The following ZNF462 variants were observed in gnomAD, a reference collection of about 807,000 sequenced individuals.
The protein encoded by ZNF462 is zinc finger PBX1-interacting protein.
In ZNF462, 10 loss-of-function variants were observed where a neutral mutation model predicts 201.9. That is an observed-to-expected ratio of 0.05 (90% CI 0.03 to 0.08). The LOEUF (loss-of-function observed/expected upper bound fraction) is 0.08, where lower values mean the gene tolerates loss of function less well. Ranked by LOEUF, ZNF462 falls within the 10% of genes least tolerant of loss-of-function variation. ZNF462 has a pLI of 1.00. For synonymous variants in ZNF462, 1,227 were observed against 1,193.3 expected, an observed-to-expected ratio of 1.03 and a Z score of -0.58; for missense variants, 2,523 against 3,168.3, an observed-to-expected ratio of 0.80 and a Z score of 4.89.
chr9:106,945,751 T>C (rs1439991793), intron 7 of ZNF462, among the ~76,000 whole-genome samples: 5 of 152,230 alleles, frequency 3.3e-5, no homozygotes, highest in African/African-American at 1.2e-4. Context: ...ACTATGTTTC[T>C]ATATTTCTAC....
At position 106,932,383 on chromosome 9, in the gene ZNF462, G is replaced by A; in HGVS notation, c.6013-63G>A. 1 of 1,610,350 alleles carries A rather than the reference G, an allele frequency of 6.2e-7. No homozygotes were observed. The highest frequency in any genetic ancestry group is 2.2e-5 in the East Asian group (1 of 44,694). ...CTGCTTGCTTGATGGAATGTTGGAG[G>A]ATGAAACCCGGCCGGGGGGATACCA... On this transcript the variant is annotated intron_variant, in intron 4 of 12. Transcript: ENST00000277225. The surrounding 1 kb of genome is among the most constrained non-coding windows in gnomAD (Gnocchi z 6.8).
chr9:106,998,069 A>G (rs1319743215), intron 10 of ZNF462, among the ~76,000 whole-genome samples: 1 of 152,182 alleles, frequency 6.6e-6, no homozygotes, highest in East Asian at 1.9e-4. Flanking sequence ...CCTTTACACA[A>G]AAAGTTTACC....
intron 7 of ZNF462, among the ~76,000 whole-genome samples, chr9:106,964,359 A>G (rs773168685): frequency 3.3e-5 from 5 of 152,010 alleles, no homozygotes; most frequent in Non-Finnish European, 7.4e-5. Context: ...TCACCATCCT[A>G]ACTAGGGAAT....
At chr9:106,939,692 G>T (rs1265828495) in intron 7 of ZNF462, among the ~76,000 whole-genome samples, 1 of 152,172 alleles carries the variant, frequency 6.6e-6, no homozygotes, top group Non-Finnish European at 1.5e-5. Flanking sequence ...AAGAAATACA[G>T]GAAGCCAGGG....
At position 107,009,434 on chromosome 9, in the gene ZNF462, C is replaced by T; in HGVS notation, c.7190-111C>T. 7.0e-7 allele frequency: 1 copy of T among 1,435,278 alleles called. No homozygotes were observed. Among genetic ancestry groups the T allele is most frequent in the South Asian group, 1.4e-5 (1 of 73,442 alleles). The allele number at this position is 1,435,278 out of a possible 1,614,324, so 88.9% of individuals were successfully genotyped here. ...TGAGGAATCTGGAAATTGCTTTCAC[C>T]ACATGGCTTTATCAGTGAAGGTAGG... On this transcript the variant is annotated intron_variant, in intron 11 of 12. Coordinates refer to ENST00000277225, the MANE Select transcript of ZNF462 (RefSeq NM_021224.6). This position sits in a 1 kb window ranked among gnomAD's most constrained non-coding sequence, Gnocchi z 6.1.
At position 106,905,429 on chromosome 9, in the gene ZNF462, C is replaced by T. The variant is rs1829228951; in HGVS notation, c.-30-17925C>T. On this transcript the variant is annotated intron_variant, in intron 1 of 12. Coordinates refer to ENST00000277225, the MANE Select transcript of ZNF462 (RefSeq NM_021224.6). The surrounding 1 kb of genome is among the most constrained non-coding windows in gnomAD (Gnocchi z 5.9). Reference sequence around the variant, plus strand: ...GCCAGGAGGTGGCACTTTCTAAAAACTGTCAGCTATAGTAGTGTGGAGAGA... The same window carrying T: ...GCCAGGAGGTGGCACTTTCTAAAAATTGTCAGCTATAGTAGTGTGGAGAGA... 6.6e-6 allele frequency among the ~76,000 whole-genome samples: 1 copy of T among 152,130 alleles called. No homozygotes were observed. The highest frequency in any genetic ancestry group is 1.5e-5 in the Non-Finnish European group (1 of 68,016).
chr9:106,951,240 C>T (rs549889657), intron 7 of ZNF462, among the ~76,000 whole-genome samples: 2 of 152,210 alleles, frequency 1.3e-5, no homozygotes, highest in African/African-American at 4.8e-5. Flanking sequence ...GTACATAGTA[C>T]TTTTCACTGT....
At chr9:106,958,334 C>A (rs1831673414) in intron 7 of ZNF462, among the ~76,000 whole-genome samples, 1 of 152,104 alleles carries the variant, frequency 6.6e-6, no homozygotes, top group South Asian at 2.1e-4. Flanking sequence ...AGAATAAATT[C>A]TGAGCTTAGC....
At chr9:106,953,907 G>A (rs919175043) in intron 7 of ZNF462, among the ~76,000 whole-genome samples, 102 of 152,030 alleles carry the variant, frequency 6.7e-4, no homozygotes, top group African/African-American at 2.3e-3. Context: ...TTGGACCCAC[G>A]TTCCATCAAC....
At chr9:106,953,810 A>G (rs537239243) in intron 7 of ZNF462, among the ~76,000 whole-genome samples, 1 of 152,198 alleles carries the variant, frequency 6.6e-6, no homozygotes, top group South Asian at 2.1e-4. Flanking sequence ...AAGGTTCTAA[A>G]ATGGAACTCA....
In ZNF462 at chr9:106,895,676, C is replaced by A. The variant is rs1424243451; in HGVS notation, c.-30-27678C>A. ...ATGGATATTTTTTAGTCCCATTATA[C>A]AGGTCAGGAAGTTGGAGGTCCTGTT... On this transcript the variant is annotated intron_variant, in intron 1 of 12. Transcript: ENST00000277225. This position sits in a 1 kb window ranked among gnomAD's most constrained non-coding sequence, Gnocchi z 4.4. Among the ~76,000 whole-genome samples the A allele has an allele frequency of 6.6e-6, 1 of 152,164 alleles. No homozygotes were observed. The highest frequency in any genetic ancestry group is 2.4e-5 in the African/African-American group (1 of 41,442).
chr9:106,988,969 A>AT (rs1433665005), intron 10 of ZNF462, among the ~76,000 whole-genome samples: 1 of 152,120 alleles, frequency 6.6e-6, no homozygotes, highest in Non-Finnish European at 1.5e-5. Context: ...GTAAATGATC[A>AT]TATCATCAGC....
chr9:106,882,089 T>C (rs1293339925), intron 1 of ZNF462, among the ~76,000 whole-genome samples: 1 of 152,208 alleles, frequency 6.6e-6, no homozygotes, highest in Non-Finnish European at 1.5e-5. Flanking sequence ...CATGTTGGTG[T>C]GCAGGCAGCC....
At position 106,926,938 on chromosome 9, in the gene ZNF462, C is replaced by T; in HGVS notation, c.3026C>T (p.Pro1009Leu). The T allele has an allele frequency of 6.2e-7, 1 of 1,614,176 alleles. No individual in the cohort carries two copies. Among genetic ancestry groups the T allele is most frequent in the South Asian group, 1.1e-5 (1 of 91,074 alleles). The change falls in exon 3 of 13, where the codon CCT becomes CTT. Residue 1009 changes from proline to leucine, a missense_variant. Coordinates refer to ENST00000277225, the MANE Select transcript of ZNF462 (RefSeq NM_021224.6). The surrounding 1 kb of genome is among the most constrained non-coding windows in gnomAD (Gnocchi z 7.9). Reference protein sequence around the residue: ...GLPATFNKNTPKTFTPECENQ... With the variant: ...GLPATFNKNTLKTFTPECENQ... Reference sequence around the variant, plus strand: ...CCAGCTACGTTCAACAAAAACACTCCTAAGACCTTTACTCCTGAATGTGAA... The same window carrying T: ...CCAGCTACGTTCAACAAAAACACTCTTAAGACCTTTACTCCTGAATGTGAA...
chr9:106,931,466 T>C (rs1210288264), intron 4 of ZNF462, among the ~76,000 whole-genome samples: 2 of 152,250 alleles, frequency 1.3e-5, no homozygotes, highest in Non-Finnish European at 2.9e-5. Flanking sequence ...TCTGCCCTTC[T>C]TGAGCTTACA....
intron 1 of ZNF462, among the ~76,000 whole-genome samples, chr9:106,879,255 A>G (rs1344788711): frequency 6.6e-6 from 1 of 151,596 alleles, no homozygotes; most frequent in Non-Finnish European, 1.5e-5. Flanking sequence ...TAATGTCAAC[A>G]TGAAGGATTG....
intron 1 of ZNF462, among the ~76,000 whole-genome samples, chr9:106,879,315 C>G (rs1827977424): frequency 6.9e-6 from 1 of 145,912 alleles, no homozygotes; most frequent in Admixed American, 6.8e-5. Flanking sequence ...TGCAGGAAGC[C>G]TAGAGAGATG....
chr9:106,923,300 G>A lies in ZNF462; in HGVS notation c.-30-54G>A, dbSNP rs547729816. On this transcript the variant is annotated intron_variant, in intron 1 of 12. Coordinates refer to ENST00000277225, the MANE Select transcript of ZNF462 (RefSeq NM_021224.6). The surrounding 1 kb of genome is among the most constrained non-coding windows in gnomAD (Gnocchi z 5.6). The stretch of plus-strand genomic sequence containing the variant: ...AATGGATATATAGCCCCATCAGCTC[G>A]AGGTATGTGATTAGTGCATTCCTTA... 15 of 1,336,232 alleles carry A rather than the reference G, an allele frequency of 1.1e-5. No individual in the cohort carries two copies. The African/African-American group carries it at 1.1e-4, about 10-fold the overall frequency. The allele number at this position is 1,336,232 out of a possible 1,614,324, so 82.8% of individuals were successfully genotyped here.
At position 106,927,204 on chromosome 9, in the gene ZNF462, T is replaced by TGCG; in HGVS notation, c.3292_3293insGCG (p.Ser1098delinsCysAla). Reference sequence around the variant, plus strand: ...GTCTCCCAAAATGTCCAACATGGGTTCCCCACCCCCCCCACAACCCCCGCC... The same window carrying TGCG: ...GTCTCCCAAAATGTCCAACATGGGTTGCGCCCCACCCCCCCCACAACCCCCGCC... On this transcript the variant is annotated protein_altering_variant, in exon 3 of 13. Coordinates refer to ENST00000277225, the MANE Select transcript of ZNF462 (RefSeq NM_021224.6). 1 of 1,570,642 alleles carries TGCG rather than the reference T, an allele frequency of 6.4e-7. No homozygotes were observed. The highest frequency in any genetic ancestry group is 8.7e-7 in the Non-Finnish European group (1 of 1,149,988).
Sources: gnomAD v4.1 joint callset for allele counts (sites outside exome capture counted in the v4.1 genomes callset) on GRCh38, gnomAD v4.1.1 for gene constraint, Gnocchi (gnomAD v3.1) non-coding constraint, MANE v1.5 for transcripts, NCBI Gene and HGNC (gene_info 2026-07-23, HGNC 2026-07-21) for gene names.